CNTN4: variants seen among roughly 807,000 people sequenced by gnomAD.
CNTN4 encodes the protein contactin 4.
In CNTN4, 77 loss-of-function variants were observed where a neutral mutation model predicts 122.5. The observed-to-expected ratio is 0.63, with a 90% confidence interval of 0.52 to 0.76. CNTN4 has a LOEUF of 0.76. CNTN4 is among the 30% of genes least tolerant of loss of function. CNTN4 has a pLI of 0.00. For missense variants in CNTN4, 1,256 were observed against 1,259.1 expected, an observed-to-expected ratio of 1.00 and a Z score of 0.04; for synonymous variants, 512 against 447.0, an observed-to-expected ratio of 1.15 and a Z score of -1.83.
chr3:2,181,509 A>G (rs1433239622), intron 2 of CNTN4, among the ~76,000 whole-genome samples: 1 of 152,108 alleles, frequency 6.6e-6, no homozygotes, highest in South Asian at 2.1e-4. Context: ...AGTGAAATCA[A>G]TTGTCCTATG....
intron 13 of CNTN4, among the ~76,000 whole-genome samples, chr3:2,976,835 A>G (rs1227233159): frequency 1.3e-5 from 2 of 152,158 alleles, no homozygotes; most frequent in Admixed American, 1.3e-4. Flanking sequence ...TTATGAAAAG[A>G]GATAGGCAAG....
At chr3:2,331,856 A>G (rs2043737652) in intron 2 of CNTN4, among the ~76,000 whole-genome samples, 1 of 152,166 alleles carries the variant, frequency 6.6e-6, no homozygotes, top group South Asian at 2.1e-4. Flanking sequence ...CCCTTTGCAA[A>G]TGATTGTAGT....
intron 3 of CNTN4, among the ~76,000 whole-genome samples, chr3:2,441,580 GT>G (rs1211748555): frequency 1.3e-5 from 2 of 152,194 alleles, no homozygotes; most frequent in East Asian, 3.8e-4. Flanking sequence ...TAGCTTTTCA[GT>G]TCAAATTTAA....
Position 2,363,161 on chromosome 3 carries a change from T to C in CNTN4, c.-89+23928T>C, listed in dbSNP as rs143336580. ...TCTTCATACTGCACCTCTCCATTAGTAAGCCATGTTTTTAGCACCTTGTGG... is the reference window on the plus strand; with the variant it reads ...TCTTCATACTGCACCTCTCCATTAGCAAGCCATGTTTTTAGCACCTTGTGG... On this transcript the variant is annotated intron_variant, in intron 3 of 24. Coordinates refer to ENST00000418658, the MANE Select transcript of CNTN4 (RefSeq NM_175607.3). Among the ~76,000 whole-genome samples the C allele has an allele frequency of 1.5e-3, 227 of 152,314 alleles. 2 individuals carry two copies. Among genetic ancestry groups the C allele is most frequent in the Non-Finnish European group, 2.8e-3 (192 of 68,024 alleles).
chr3:2,346,456 T>C (rs2044400156), intron 3 of CNTN4, among the ~76,000 whole-genome samples: 1 of 152,154 alleles, frequency 6.6e-6, no homozygotes, highest in Non-Finnish European at 1.5e-5. Context: ...TTATTTCTTA[T>C]CATTGCTTCC....
At chr3:2,455,067 G>T (rs2048948899) in intron 3 of CNTN4, among the ~76,000 whole-genome samples, 1 of 152,098 alleles carries the variant, frequency 6.6e-6, no homozygotes, top group Non-Finnish European at 1.5e-5. Context: ...CAGTAAATAT[G>T]GTGTGGAAGC....
intron 3 of CNTN4, among the ~76,000 whole-genome samples, chr3:2,546,180 T>C (rs6442739): frequency 0.64 from 97,953 of 151,892 alleles, 32,053 homozygotes; most frequent in East Asian, 0.78. Context: ...TATACCCAAA[T>C]GAATATAAAT....
Position 3,053,787 on chromosome 3 carries a change from T to C in CNTN4, c.2812-20T>C. The C allele has an allele frequency of 6.2e-7, 1 of 1,613,914 alleles. No individual in the cohort carries two copies. Among genetic ancestry groups the C allele is most frequent in the African/African-American group, 1.3e-5 (1 of 75,058 alleles). The stretch of plus-strand genomic sequence containing the variant: ...CTTTGTGAAGACGGCAGGTGACACC[T>C]GTTCTTTCTGTATTGGCAGGTCTTG... On this transcript the variant is annotated intron_variant, in intron 23 of 24. Coordinates refer to ENST00000418658, the MANE Select transcript of CNTN4 (RefSeq NM_175607.3).
chr3:2,612,359 A>G (rs2081536364), intron 4 of CNTN4, among the ~76,000 whole-genome samples: 1 of 152,158 alleles, frequency 6.6e-6, no homozygotes, highest in South Asian at 2.1e-4. Context: ...AGTGCTGAAT[A>G]CCTCATGTAG....
At chr3:2,826,223 G>T (rs538903459) in intron 7 of CNTN4, among the ~76,000 whole-genome samples, 2 of 152,228 alleles carry the variant, frequency 1.3e-5, no homozygotes, top group African/African-American at 4.8e-5. Context: ...GCTCACCCCA[G>T]GTCAATTAAA....
chr3:3,014,300 T>C (rs939473029), intron 14 of CNTN4, among the ~76,000 whole-genome samples: 4 of 152,192 alleles, frequency 2.6e-5, no homozygotes, highest in African/African-American at 9.6e-5. Context: ...CTTATCACTG[T>C]GGCAAAACCT....
At chr3:2,448,460 T>C (rs1321001188) in intron 3 of CNTN4, among the ~76,000 whole-genome samples, 9 of 152,282 alleles carry the variant, frequency 5.9e-5, no homozygotes, top group South Asian at 2.1e-4. Context: ...GCTTCTCAAA[T>C]GCAAGTGGTG....
chr3:3,013,554 G>A (rs1231940804), intron 14 of CNTN4, among the ~76,000 whole-genome samples: 1 of 152,034 alleles, frequency 6.6e-6, no homozygotes, highest in Non-Finnish European at 1.5e-5. Flanking sequence ...CCTATTGACC[G>A]CCAGGGTGCC....
intron 2 of CNTN4, among the ~76,000 whole-genome samples, chr3:2,145,568 G>A (rs1236604175): frequency 6.6e-6 from 1 of 152,136 alleles, no homozygotes; most frequent in African/African-American, 2.4e-5. Context: ...GGCAGATTGG[G>A]AAAAATCAGG....
At chr3:2,764,429 T>A (rs544691193) in intron 6 of CNTN4, among the ~76,000 whole-genome samples, 146 of 152,278 alleles carry the variant, frequency 9.6e-4, no homozygotes, top group Non-Finnish European at 1.6e-3. Context: ...TGTGGTGGCA[T>A]AGAGCATGGT....
At chr3:2,603,388 TATG>T (rs2081129182) in intron 4 of CNTN4, among the ~76,000 whole-genome samples, 1 of 152,172 alleles carries the variant, frequency 6.6e-6, no homozygotes, top group South Asian at 2.1e-4. Flanking sequence ...CTTGTAACAT[TATG>T]GAAGTCCTGG....
At chr3:2,990,640 C>T (rs1172735212) in intron 14 of CNTN4, among the ~76,000 whole-genome samples, 1 of 152,216 alleles carries the variant, frequency 6.6e-6, no homozygotes, top group Non-Finnish European at 1.5e-5. Context: ...TCCCAACCAA[C>T]TGTGCAGATC....
intron 13 of CNTN4, among the ~76,000 whole-genome samples, chr3:2,936,278 T>C (rs2094566814): frequency 6.6e-6 from 1 of 152,140 alleles, no homozygotes; most frequent in Non-Finnish European, 1.5e-5. Context: ...CAGTGGTTGT[T>C]CCCAAATTTA....
chr3:2,458,568 G>A (rs548965724), intron 3 of CNTN4, among the ~76,000 whole-genome samples: 8 of 152,032 alleles, frequency 5.3e-5, no homozygotes, highest in South Asian at 2.1e-4. Context: ...ATTTGGGAGC[G>A]GACAATACTT....
Sources: allele counts gnomAD v4.1 joint callset (sites outside exome capture counted in the v4.1 genomes callset), GRCh38; gene constraint gnomAD v4.1.1; transcripts MANE v1.5; gene names NCBI Gene and HGNC (gene_info 2026-07-23, HGNC 2026-07-21).